ZBBX: variants seen among roughly 807,000 people sequenced by gnomAD.
ZBBX encodes the protein zinc finger B-box domain-containing protein 1.
In ZBBX, 101 loss-of-function variants were observed where a neutral mutation model predicts 108.5. The observed-to-expected ratio is 0.93, with a 90% CI of 0.79 to 1.10. The LOEUF (loss-of-function observed/expected upper bound fraction) is 1.10. Among genes scored for constraint, ZBBX ranks in the 50% least tolerant of loss-of-function variants. ZBBX has a pLI of 0.00. For synonymous variants in ZBBX, 356 were observed against 323.4 expected (o/e 1.10, Z -1.08); for missense variants, 1,009 against 941.4 (o/e 1.07, Z -0.94).
intron 10 of ZBBX, chr3:167,331,482 G>C (rs1307881574): frequency 1.2e-6 from 1 of 832,502 alleles, no homozygotes; most frequent in Non-Finnish European, 1.4e-6. Flanking sequence ...AGCAATTTCA[G>C]CAGCCCTCCA....
chr3:167,236,267 ATC>A (rs1338910547), downstream of ZBBX, among the ~76,000 whole-genome samples: 2 of 151,754 alleles, frequency 1.3e-5, no homozygotes, highest in African/African-American at 4.8e-5. Flanking sequence ...CTAATTATCC[ATC>A]TCACTGCAAG....
At chr3:167,224,595 A>C in the ZBBX span, among the ~76,000 whole-genome samples, 1 of 151,970 alleles carries the variant, frequency 6.6e-6, no homozygotes, top group African/African-American at 2.4e-5. Flanking sequence ...TCTGTTAATA[A>C]GTAAATACGT....
the ZBBX span, among the ~76,000 whole-genome samples, chr3:167,210,896 T>C: frequency 6.6e-6 from 1 of 152,120 alleles, no homozygotes; most frequent in Non-Finnish European, 1.5e-5. Context: ...ACTCCAGCTC[T>C]GCCCTACAAG....
chr3:167,352,140 AG>A (rs1469133712), intron 8 of ZBBX, among the ~76,000 whole-genome samples: 1 of 152,168 alleles, frequency 6.6e-6, no homozygotes, highest in Non-Finnish European at 1.5e-5. Context: ...GAAATAACAA[AG>A]ATCAGAGAAG....
chr3:167,231,617 A>C, the ZBBX span, among the ~76,000 whole-genome samples: 1 of 151,828 alleles, frequency 6.6e-6, no homozygotes, highest in African/African-American at 2.4e-5. Flanking sequence ...GAGCAAAAAT[A>C]TTTGTGAGAG....
At chr3:167,380,342 G>A (rs1212996505), upstream of ZBBX, 2 of 152,172 alleles carry the variant, frequency 1.3e-5, no homozygotes, top group Non-Finnish European at 2.9e-5. Context: ...GCGTTACCTC[G>A]GTACCCATAG....
the ZBBX span, among the ~76,000 whole-genome samples, chr3:167,184,370 A>G: frequency 6.6e-6 from 1 of 152,060 alleles, no homozygotes; most frequent in Non-Finnish European, 1.5e-5. Flanking sequence ...ACCTAGGCCA[A>G]ATGATAGAGA....
intron 1 of ZBBX, among the ~76,000 whole-genome samples, chr3:167,389,406 C>A (rs917856213): frequency 3.3e-5 from 5 of 152,076 alleles, no homozygotes; most frequent in African/African-American, 1.2e-4. Context: ...GGTTCCAAAT[C>A]TTTGCTATTG....
chr3:167,242,656 AT>A lies in ZBBX; in HGVS notation c.2255-14del. On this transcript the variant is annotated splice_polypyrimidine_tract_variant and intron_variant, in intron 20 of 21. Coordinates refer to ENST00000675490, the MANE Select transcript of ZBBX (RefSeq NM_001199201.2). ...TTTTCTGAAGTATCTGAAATATTTT[AT>A]TTCATGCATTGTCAAAACATAAATT... 1 of 1,606,176 alleles carries A rather than the reference AT, an allele frequency of 6.2e-7. No homozygotes were observed. Among genetic ancestry groups the A allele is most frequent in the South Asian group, 1.1e-5 (1 of 90,004 alleles).
upstream of ZBBX, among the ~76,000 whole-genome samples, chr3:167,382,586 G>C (rs1747788937): frequency 6.6e-6 from 1 of 152,056 alleles, no homozygotes. Flanking sequence ...AGATTTACAT[G>C]ACTCATTTTA....
the ZBBX span, among the ~76,000 whole-genome samples, chr3:167,222,875 A>G: frequency 9.9e-5 from 15 of 151,964 alleles, no homozygotes; most frequent in Non-Finnish European, 1.8e-4. Context: ...AATGTTTTAT[A>G]GCACTGTAGG....
chr3:167,312,322 G>A (rs757767210), intron 16 of ZBBX, among the ~76,000 whole-genome samples: 12 of 152,224 alleles, frequency 7.9e-5, no homozygotes, highest in Non-Finnish European at 1.3e-4. Flanking sequence ...TTTTTAGGAC[G>A]AGAAGGTATT....
chr3:167,197,426 T>C, the ZBBX span, among the ~76,000 whole-genome samples: 23 of 151,926 alleles, frequency 1.5e-4, no homozygotes, highest in Non-Finnish European at 2.9e-4. Flanking sequence ...TAGTCCCAGC[T>C]ACTCAGGAGG....
intron 21 of ZBBX, 150 bp from the exon 22 acceptor site, chr3:167,241,069 T>C: frequency 1.4e-6 from 1 of 732,604 alleles, no homozygotes; most frequent in African/African-American, 1.8e-5. Flanking sequence ...ATTTTCAATG[T>C]GCCCAATATA....
chr3:167,344,673 G>T (rs919725894), intron 9 of ZBBX, among the ~76,000 whole-genome samples: 1 of 151,596 alleles, frequency 6.6e-6, no homozygotes, highest in Non-Finnish European at 1.5e-5. Flanking sequence ...CAGAAGTACA[G>T]TTCAGGTAGA....
chr3:167,350,539 T>G (rs1330655939), intron 8 of ZBBX, 24 bp from the exon 9 acceptor site: 1 of 1,466,842 alleles, frequency 6.8e-7, no homozygotes, highest in Non-Finnish European at 9.3e-7. Context: ...TTTTAAAAAA[T>G]TATACAATCT....
chr3:167,225,023 C>A, the ZBBX span, among the ~76,000 whole-genome samples: 2 of 151,792 alleles, frequency 1.3e-5, no homozygotes, highest in African/African-American at 4.8e-5. Context: ...TTGGTTCTTC[C>A]ACAATTGCAA....
At chr3:167,380,984 T>G (rs1747675308), upstream of ZBBX, among the ~76,000 whole-genome samples, 1 of 151,902 alleles carries the variant, frequency 6.6e-6, no homozygotes, top group South Asian at 2.1e-4. Context: ...TTCCTAAATA[T>G]GCTGTTTTTT....
chr3:167,380,466 T>G (rs1747627619), upstream of ZBBX: 1 of 152,160 alleles, frequency 6.6e-6, no homozygotes, highest in Non-Finnish European at 1.5e-5. Flanking sequence ...CTCAACAGGC[T>G]CTGGAAGCTT....
Sources: gnomAD v4.1 joint callset for allele counts (sites outside exome capture counted in the v4.1 genomes callset) on GRCh38, gnomAD v4.1.1 for gene constraint, MANE v1.5 for transcripts, NCBI Gene and HGNC (gene_info 2026-07-23, HGNC 2026-07-21) for gene names.